The following KCMF1 variants were observed in gnomAD, a reference collection of about 807,000 sequenced individuals.
KCMF1 encodes the protein E3 ubiquitin-protein ligase KCMF1.
A neutral mutation model predicts 41.1 loss-of-function variants in KCMF1; 3 were observed. The observed-to-expected ratio is 0.07, with a 90% CI of 0.03 to 0.19. The LOEUF (loss-of-function observed/expected upper bound fraction) is 0.19. Ranked by LOEUF, KCMF1 falls within the 10% of genes least tolerant of loss-of-function variation. The pLI is 1.00. For missense variants in KCMF1, 286 were observed against 488.9 expected (o/e 0.58, Z 3.91); for synonymous variants, 142 against 164.5 (o/e 0.86, Z 1.04).
At chr2:84,975,939 A>G (rs1183312696) in intron 1 of KCMF1, among the ~76,000 whole-genome samples, 2 of 152,176 alleles carry the variant, frequency 1.3e-5, no homozygotes, top group East Asian at 1.9e-4. Flanking sequence ...AAATCATTCA[A>G]CCTTTCAGTC....
At chr2:85,006,827 C>T (rs1674483387) in intron 1 of KCMF1, among the ~76,000 whole-genome samples, 2 of 151,434 alleles carry the variant, frequency 1.3e-5, no homozygotes, top group South Asian at 4.2e-4. Context: ...TAGAACATCT[C>T]GGCCAGGCGC....
chr2:84,984,618 C>A (rs1034752389), intron 1 of KCMF1, among the ~76,000 whole-genome samples: 1 of 151,884 alleles, frequency 6.6e-6, no homozygotes, highest in African/African-American at 2.4e-5. Flanking sequence ...GTGAGGAGTT[C>A]GAGACCAGCC....
At chr2:85,010,516 G>A (rs1193774654) in intron 1 of KCMF1, among the ~76,000 whole-genome samples, 1 of 152,200 alleles carries the variant, frequency 6.6e-6, no homozygotes, top group Non-Finnish European at 1.5e-5. Context: ...TTATGGCTCA[G>A]TCTCTCAAAT....
chr2:85,044,014 T>A (rs1574041616), intron 4 of KCMF1, among the ~76,000 whole-genome samples: 1 of 152,268 alleles, frequency 6.6e-6, no homozygotes, highest in African/African-American at 2.4e-5. Context: ...CCATTTTCAT[T>A]AAGTGAAAGT....
At chr2:85,006,578 C>T (rs1226713851) in intron 1 of KCMF1, among the ~76,000 whole-genome samples, 1 of 151,530 alleles carries the variant, frequency 6.6e-6, no homozygotes, top group Non-Finnish European at 1.5e-5. Flanking sequence ...GGATTACAGG[C>T]GTGAGCCACC....
intron 1 of KCMF1, among the ~76,000 whole-genome samples, chr2:85,012,685 C>G (rs1394479974): frequency 1.3e-5 from 2 of 152,186 alleles, no homozygotes; most frequent in African/African-American, 4.8e-5. Context: ...CAGACATAAA[C>G]CACAACTCTT....
chr2:85,015,341 T>A (rs946881218), intron 1 of KCMF1, among the ~76,000 whole-genome samples: 1 of 152,126 alleles, frequency 6.6e-6, no homozygotes, highest in Non-Finnish European at 1.5e-5. Context: ...CCACCTCCTC[T>A]TCCTTCATTT....
rs1675904326 is a variant in KCMF1 at position 85,055,448 on chromosome 2, C to G, written c.*2039C>G. On this transcript the variant is annotated 3_prime_UTR_variant, in exon 7 of 7. Coordinates refer to ENST00000409785, the MANE Select transcript of KCMF1 (RefSeq NM_020122.5). ...CACAAATTCTGGGAAAATGTAAAAG[C>G]CTTCATTTTTTAACATGGTTTTAGG... is the stretch of plus-strand genomic sequence containing the variant. 1 of 152,070 alleles carries G rather than the reference C, an allele frequency of 6.6e-6. No homozygotes were observed. Among genetic ancestry groups the G allele is most frequent in the Non-Finnish European group, 1.5e-5 (1 of 68,030 alleles). 9.4% of individuals were successfully genotyped at this position (152,070 alleles called of 1,614,324 possible).
intron 1 of KCMF1, among the ~76,000 whole-genome samples, chr2:84,984,845 G>A (rs1470414511): frequency 1.3e-5 from 2 of 151,934 alleles, no homozygotes; most frequent in Non-Finnish European, 2.9e-5. Flanking sequence ...AAGAAAGAAA[G>A]AAACTTCTAT....
intron 1 of KCMF1, among the ~76,000 whole-genome samples, chr2:84,975,924 G>A (rs1199476490): frequency 6.6e-6 from 1 of 152,116 alleles, no homozygotes; most frequent in Non-Finnish European, 1.5e-5. Context: ...TACATGTGTC[G>A]CCTTAAATCA....
intron 3 of KCMF1, among the ~76,000 whole-genome samples, chr2:85,042,922 T>G (rs1675575232): frequency 6.6e-6 from 1 of 152,198 alleles, no homozygotes; most frequent in Admixed American, 6.5e-5. Context: ...CCATGGAAAG[T>G]TGTTCTACTA....
rs567364407 is a variant in KCMF1 at position 84,981,261 on chromosome 2, C to T, written c.16+9794C>T. Among the ~76,000 whole-genome samples, 24 of 151,456 alleles carry T rather than the reference C, an allele frequency of 1.6e-4. No homozygotes were observed. In the East Asian group the frequency reaches 4.7e-3, roughly 30 times the overall value. ...CTGGAGCGCAGTGGTGCAATCTCGGCTCACTGCAAGCTCCGCCTCCCGGGT... is the reference window on the plus strand; with the variant it reads ...CTGGAGCGCAGTGGTGCAATCTCGGTTCACTGCAAGCTCCGCCTCCCGGGT... On this transcript the variant is annotated intron_variant, in intron 1 of 6. Transcript: ENST00000409785.
intron 1 of KCMF1, among the ~76,000 whole-genome samples, chr2:85,017,667 TC>T (rs1674813059): frequency 6.6e-6 from 1 of 151,682 alleles, no homozygotes; most frequent in Non-Finnish European, 1.5e-5. Flanking sequence ...GAGGTCGACT[TC>T]CTGTTGTATT....
chr2:85,026,571 T>C (rs1675111758), intron 1 of KCMF1, among the ~76,000 whole-genome samples: 1 of 151,798 alleles, frequency 6.6e-6, no homozygotes, highest in Non-Finnish European at 1.5e-5. Flanking sequence ...TCACTGCAGC[T>C]TCGAGCTCCT....
At chr2:85,034,339 C>T (rs1207242503) in intron 2 of KCMF1, among the ~76,000 whole-genome samples, 2 of 152,166 alleles carry the variant, frequency 1.3e-5, no homozygotes, top group Non-Finnish European at 2.9e-5. Context: ...TTCTTTCCCT[C>T]TGAGCACATT....
rs541023725 is a variant in KCMF1 at position 84,979,846 on chromosome 2, G to A, written c.16+8379G>A. 1.9e-4 allele frequency among the ~76,000 whole-genome samples: 28 copies of A among 151,330 alleles called. No individual in the cohort carries two copies. The South Asian group carries it at 4.8e-3, about 26-fold the overall frequency. On this transcript the variant is annotated intron_variant, in intron 1 of 6. Coordinates refer to ENST00000409785, the MANE Select transcript of KCMF1 (RefSeq NM_020122.5). The stretch of plus-strand genomic sequence containing the variant: ...TGGTAATTTTTTTTTTTTTGAGACC[G>A]AGTTTCACTATTGTTGCCCAGGCTG...
chr2:85,028,077 T>C, intron 2 of KCMF1, 21 bp downstream of exon 2: 1 of 1,487,892 alleles, frequency 6.7e-7, no homozygotes, highest in South Asian at 1.2e-5. Flanking sequence ...AAAAATTTAA[T>C]GAATTACATC....
chr2:85,008,405 C>CATATGATATATTATATATGATAT lies in KCMF1; in HGVS notation c.17-19480_17-19479insGATATATTATATATGATATATAT, dbSNP rs1215973913. Among the ~76,000 whole-genome samples, 511 of 86,966 alleles carry CATATGATATATTATATATGATAT rather than the reference C, an allele frequency of 5.9e-3. 3 individuals carry two copies. The highest frequency in any genetic ancestry group is 0.014 in the Middle Eastern group (2 of 148). The allele number at this position is 86,966 out of a possible 152,430, so 57.1% of individuals were successfully genotyped here. On this transcript the variant is annotated intron_variant, in intron 1 of 6. Transcript: ENST00000409785. ...ATTATATATGATATATATTATATAT[C>CATATGATATATTATATATGATAT]ATATTATATATTATGTGATATATAT...
At chr2:85,043,747 G>A (rs975902299) in intron 4 of KCMF1, 82 bp downstream of exon 4, 5 of 956,570 alleles carry the variant, frequency 5.2e-6, no homozygotes, top group Non-Finnish European at 8.2e-6. Context: ...ACAAGATCTC[G>A]CTGTGTCGAC....
Sources: gnomAD v4.1 joint callset for allele counts (sites outside exome capture counted in the v4.1 genomes callset) on GRCh38, gnomAD v4.1.1 for gene constraint, MANE v1.5 for transcripts, NCBI Gene and HGNC (gene_info 2026-07-23, HGNC 2026-07-21) for gene names.